CTNNA3: variants seen among roughly 807,000 people sequenced by gnomAD.
The protein encoded by CTNNA3 is catenin alpha 3.
In CTNNA3, 76 loss-of-function variants were observed where a neutral mutation model predicts 95.7. The ratio of observed to expected loss-of-function variants is 0.79; its 90% CI spans 0.66 to 0.96. The LOEUF (loss-of-function observed/expected upper bound fraction) is 0.96, where lower values mean the gene tolerates loss of function less well. Among genes scored for constraint, CTNNA3 ranks in the 40% least tolerant of loss-of-function variants. The pLI, the probability that CTNNA3 is intolerant of heterozygous loss-of-function variation, is 0.00. For synonymous variants in CTNNA3, 431 were observed against 374.4 expected, an observed-to-expected ratio of 1.15 and a Z score of -1.74; for missense variants, 1,191 against 1,089.8, an observed-to-expected ratio of 1.09 and a Z score of -1.31.
intron 12 of CTNNA3, among the ~76,000 whole-genome samples, chr10:66,300,036 G>A (rs1008662223): frequency 6.6e-5 from 10 of 151,952 alleles, no homozygotes; most frequent in African/African-American, 2.2e-4. Flanking sequence ...GGGACTACAG[G>A]TGCCTGCCAC....
chr10:66,049,624 G>A (rs1366379848), intron 15 of CTNNA3, among the ~76,000 whole-genome samples: 2 of 152,162 alleles, frequency 1.3e-5, no homozygotes, highest in African/African-American at 2.4e-5. Context: ...AAAAAAGAAT[G>A]AGAGCATGTC....
rs572625117 is a variant in CTNNA3, at chr10:65,944,578, C to T, written c.2400+22034G>A. On this transcript the variant is annotated intron_variant, in intron 17 of 17. Transcript: ENST00000433211. ...GTGGAGGAGTTTTGTAGCCGCATCC[C>T]GTGTACATTGTGCAGGGAGAGAGAA... is the stretch of plus-strand genomic sequence containing the variant. Among the ~76,000 whole-genome samples the T allele has an allele frequency of 1.4e-4, 21 of 152,272 alleles. No homozygotes were observed. The South Asian group carries it at 3.3e-3, about 24-fold the overall frequency.
intron 5 of CTNNA3, among the ~76,000 whole-genome samples, chr10:67,411,190 CA>C (rs1845354074): frequency 6.6e-6 from 1 of 152,010 alleles, no homozygotes; most frequent in Admixed American, 6.6e-5. Context: ...CCAAAGACAG[CA>C]GATTTTAAGT....
intron 1 of CTNNA3, among the ~76,000 whole-genome samples, chr10:67,721,449 G>A (rs183909427): frequency 6.6e-6 from 1 of 151,648 alleles, no homozygotes; most frequent in Admixed American, 6.6e-5. Flanking sequence ...TGATTGATTT[G>A]GCTATTGATA....
intron 7 of CTNNA3, chr10:66,926,893 A>T: frequency 6.5e-7 from 1 of 1,529,692 alleles, no homozygotes; most frequent in Admixed American, 2.2e-5. Flanking sequence ...TTGGGGGGAT[A>T]ACTTTTCTAA....
intron 9 of CTNNA3, among the ~76,000 whole-genome samples, chr10:66,668,723 A>C (rs1846550482): frequency 6.6e-6 from 1 of 151,966 alleles, no homozygotes; most frequent in African/African-American, 2.4e-5. Flanking sequence ...GAGGCATGAG[A>C]ATCACTTAAA....
intron 10 of CTNNA3, among the ~76,000 whole-genome samples, chr10:66,601,870 C>T (rs1249753604): frequency 6.6e-6 from 1 of 151,844 alleles, no homozygotes; most frequent in Admixed American, 6.6e-5. Flanking sequence ...TCCAAGAAAT[C>T]TGGAGTGAAC....
intron 15 of CTNNA3, among the ~76,000 whole-genome samples, chr10:66,006,588 C>T (rs571359642): frequency 2.0e-5 from 3 of 152,148 alleles, no homozygotes; most frequent in African/African-American, 7.2e-5. Context: ...CCCTCTTTTT[C>T]CTGTTGGCAG....
intron 11 of CTNNA3, among the ~76,000 whole-genome samples, chr10:66,413,311 A>C (rs2093122735): frequency 6.6e-6 from 1 of 152,144 alleles, no homozygotes; most frequent in African/African-American, 2.4e-5. Flanking sequence ...CTGGATAAGA[A>C]CCTACATTTT....
rs191439164 is a variant in CTNNA3, at chr10:66,812,746, C to T, written c.1048-37222G>A. 4.6e-5 allele frequency among the ~76,000 whole-genome samples: 7 copies of T among 152,170 alleles called. No homozygotes were observed. The South Asian group carries it at 1.5e-3, about 32-fold the overall frequency. ...CAGGAAAGTCCTTTTATTTCTCTGGCTTGCTTTCTTCATCACTAACAATGG... is the reference window on the plus strand; with the variant it reads ...CAGGAAAGTCCTTTTATTTCTCTGGTTTGCTTTCTTCATCACTAACAATGG... On this transcript the variant is annotated intron_variant, in intron 7 of 17. Coordinates refer to ENST00000433211, the MANE Select transcript of CTNNA3 (RefSeq NM_013266.4).
At chr10:66,850,436 T>A (rs1315428840) in intron 7 of CTNNA3, among the ~76,000 whole-genome samples, 3 of 152,132 alleles carry the variant, frequency 2.0e-5, no homozygotes, top group African/African-American at 7.2e-5. Context: ...TTTTCTTTTT[T>A]AAAAAATCTA....
At chr10:66,717,844 A>T (rs1019381697) in intron 9 of CTNNA3, among the ~76,000 whole-genome samples, 5 of 152,204 alleles carry the variant, frequency 3.3e-5, no homozygotes, top group Non-Finnish European at 7.3e-5. Flanking sequence ...ATTTGCTGAC[A>T]GCAGCTCTAG....
At chr10:66,472,441 G>A (rs1839170722) in intron 11 of CTNNA3, among the ~76,000 whole-genome samples, 2 of 151,970 alleles carry the variant, frequency 1.3e-5, no homozygotes, top group African/African-American at 4.8e-5. Flanking sequence ...GCATGAATGA[G>A]AAAACAAAGG....
At chr10:67,308,323 C>G (rs1324513824) in intron 5 of CTNNA3, among the ~76,000 whole-genome samples, 3 of 152,082 alleles carry the variant, frequency 2.0e-5, no homozygotes, top group Non-Finnish European at 4.4e-5. Flanking sequence ...TGAGTTTTTT[C>G]CTTGCTGTTC....
chr10:67,186,043 A>AT lies in CTNNA3; in HGVS notation c.844-5524_844-5523insA, dbSNP rs1216422975. ...TCCGTCTCACAAAAAAAAAAAAAAA[A>AT]AAATTAAACCATTTAAAACCTTTTT... On this transcript the variant is annotated intron_variant, in intron 6 of 17. Coordinates refer to ENST00000433211, the MANE Select transcript of CTNNA3 (RefSeq NM_013266.4). Among the ~76,000 whole-genome samples, 174 of 151,744 alleles carry AT rather than the reference A, an allele frequency of 1.1e-3. 1 individual carries two copies. The highest frequency in any genetic ancestry group is 8.4e-3 in the Admixed American group (128 of 15,232).
At chr10:67,486,746 T>C (rs927452445) in intron 5 of CTNNA3, among the ~76,000 whole-genome samples, 1 of 152,236 alleles carries the variant, frequency 6.6e-6, no homozygotes, top group African/African-American at 2.4e-5. Context: ...GATTTTGTTC[T>C]ACATTTGTGG....
chr10:67,100,279 A>G (rs1858264188), intron 7 of CTNNA3, among the ~76,000 whole-genome samples: 1 of 151,810 alleles, frequency 6.6e-6, no homozygotes, highest in African/African-American at 2.4e-5. Flanking sequence ...GCTCTGTGCA[A>G]CCAAGGCCCT....
chr10:67,366,408 T>C (rs985982174), intron 5 of CTNNA3, among the ~76,000 whole-genome samples: 2 of 149,974 alleles, frequency 1.3e-5, no homozygotes, highest in African/African-American at 4.9e-5. Flanking sequence ...GAAAAAAAAA[T>C]AGACACATAG....
intron 5 of CTNNA3, among the ~76,000 whole-genome samples, chr10:67,377,507 C>T (rs1172109787): frequency 6.6e-6 from 1 of 152,136 alleles, no homozygotes; most frequent in Non-Finnish European, 1.5e-5. Flanking sequence ...CACTAACATT[C>T]AACGACTGAT....
Sources: allele counts gnomAD v4.1 joint callset (sites outside exome capture counted in the v4.1 genomes callset), GRCh38; gene constraint gnomAD v4.1.1; transcripts MANE v1.5; gene names NCBI Gene and HGNC (gene_info 2026-07-23, HGNC 2026-07-21).